SEMA3A: variants seen among roughly 807,000 people sequenced by gnomAD.
SEMA3A encodes the protein semaphorin-3A.
A neutral mutation model predicts 97.9 loss-of-function variants in SEMA3A; 29 were observed. That is an observed-to-expected ratio of 0.30 (90% CI 0.22 to 0.40). The LOEUF is 0.40. SEMA3A is among the 10% of genes least tolerant of loss of function. The probability of loss-of-function intolerance (pLI) is 1.00; values close to 1 mark genes in which losing one functional copy is unlikely to be tolerated. For synonymous variants in SEMA3A, 321 were observed against 323.7 expected, an observed-to-expected ratio of 0.99 and a Z score of 0.09; for missense variants, 763 against 951.3, an observed-to-expected ratio of 0.80 and a Z score of 2.60.
intron 1 of SEMA3A, among the ~76,000 whole-genome samples, chr7:84,402,532 G>A (rs1419660939): frequency 6.6e-6 from 1 of 152,122 alleles, no homozygotes; most frequent in Non-Finnish European, 1.5e-5. Flanking sequence ...ATATCAAAGA[G>A]ATATCTTCAC....
chr7:84,383,879 TA>T (rs1803331903), intron 1 of SEMA3A, among the ~76,000 whole-genome samples: 2 of 152,166 alleles, frequency 1.3e-5, no homozygotes, highest in Non-Finnish European at 2.9e-5. Context: ...TCTTTACACT[TA>T]AAAAATACAT....
chr7:84,448,946 T>TAC (rs555321024), intron 1 of SEMA3A, among the ~76,000 whole-genome samples: 153 of 152,246 alleles, frequency 1.0e-3, no homozygotes, highest in African/African-American at 3.5e-3. Context: ...CTGGTGTAAA[T>TAC]ATATATAAAC....
chr7:84,033,093 CTATT>C (rs1455056261), intron 6 of SEMA3A, among the ~76,000 whole-genome samples: 1 of 151,988 alleles, frequency 6.6e-6, no homozygotes, highest in East Asian at 1.9e-4. Context: ...TGTTTTATAA[CTATT>C]TATTATTTAA....
chr7:84,156,719 G>T (rs1796857085), intron 1 of SEMA3A, among the ~76,000 whole-genome samples: 1 of 152,072 alleles, frequency 6.6e-6, no homozygotes, highest in African/African-American at 2.4e-5. Context: ...TACCAGCTGT[G>T]TGTTTTAGCC....
At chr7:84,425,192 CATAA>C (rs1355245632) in intron 1 of SEMA3A, among the ~76,000 whole-genome samples, 1 of 108,678 alleles carries the variant, frequency 9.2e-6, no homozygotes, top group African/African-American at 3.9e-5. Flanking sequence ...CATATATTTA[CATAA>C]ATAAATTTAC....
At chr7:84,173,753 G>C (rs905658240) in intron 1 of SEMA3A, among the ~76,000 whole-genome samples, 7 of 152,002 alleles carry the variant, frequency 4.6e-5, no homozygotes, top group Non-Finnish European at 1.0e-4. Context: ...TCCCACAGAT[G>C]GGTACCAGCC....
chr7:83,981,653 A>T (rs1465204116), intron 13 of SEMA3A, among the ~76,000 whole-genome samples, 175 bp from the exon 14 acceptor site: 1 of 152,188 alleles, frequency 6.6e-6, no homozygotes, highest in Non-Finnish European at 1.5e-5. Context: ...GCAGTTTAAA[A>T]TGGAGCAAGA....
intron 2 of SEMA3A, among the ~76,000 whole-genome samples, chr7:84,319,575 A>G (rs563597221): frequency 1.3e-5 from 2 of 152,202 alleles, no homozygotes; most frequent in South Asian, 4.2e-4. Flanking sequence ...TTGCATTGGA[A>G]ATTTTCTTAA....
chr7:84,153,304 C>T (rs1379822308), intron 1 of SEMA3A, among the ~76,000 whole-genome samples: 1 of 152,108 alleles, frequency 6.6e-6, no homozygotes, highest in Non-Finnish European at 1.5e-5. Context: ...GCCTGTCATC[C>T]ACATACATAC....
chr7:84,104,274 A>AC (rs1234549938), intron 4 of SEMA3A, among the ~76,000 whole-genome samples: 14 of 152,130 alleles, frequency 9.2e-5, no homozygotes, highest in Non-Finnish European at 1.8e-4. Flanking sequence ...GCATTATTGT[A>AC]CCAATATGGC....
At chr7:84,264,933 G>C (rs1266504836) in intron 3 of SEMA3A, among the ~76,000 whole-genome samples, 1 of 152,056 alleles carries the variant, frequency 6.6e-6, no homozygotes, top group Non-Finnish European at 1.5e-5. Context: ...GGTTTCTTGT[G>C]TGGTCTCCAC....
chr7:84,224,260 C>T (rs1265199302), intron 3 of SEMA3A, among the ~76,000 whole-genome samples: 1 of 151,864 alleles, frequency 6.6e-6, no homozygotes, highest in Non-Finnish European at 1.5e-5. Flanking sequence ...ATTGGTGTTT[C>T]ATTTTTTATC....
Position 84,401,283 on chromosome 7 carries a change from G to A in SEMA3A, c.-245-29383C>T, listed in dbSNP as rs113794415. Among the ~76,000 whole-genome samples the A allele has an allele frequency of 7.0e-4, 106 of 151,932 alleles. 1 individual carries two copies. Among genetic ancestry groups the A allele is most frequent in the African/African-American group, 2.4e-3 (98 of 41,446 alleles). ...TTTAAAATAGCTACAAAAAATACCTGGGAATAAATTTAACCAAAAAGTGAG... is the reference window on the plus strand; with the variant it reads ...TTTAAAATAGCTACAAAAAATACCTAGGAATAAATTTAACCAAAAAGTGAG... On this transcript the variant is annotated intron_variant, in intron 1 of 3. Coordinates refer to the SEMA3A transcript ENST00000424555.
At chr7:84,209,913 GAAGTTA>G (rs2116316068) in intron 3 of SEMA3A, among the ~76,000 whole-genome samples, 1 of 152,278 alleles carries the variant, frequency 6.6e-6, no homozygotes, top group Admixed American at 6.5e-5. Context: ...GAATTTGGCT[GAAGTTA>G]AAGTTTCTGG....
chr7:84,322,025 A>T (rs1431725686), intron 2 of SEMA3A, among the ~76,000 whole-genome samples: 1 of 151,708 alleles, frequency 6.6e-6, no homozygotes, highest in Non-Finnish European at 1.5e-5. Context: ...GGTGGAAATC[A>T]CCTCATCACA....
In SEMA3A at chr7:84,063,011, ATGGCCCTGTC is replaced by A. The variant is rs1391119457; in HGVS notation, c.454-2463_454-2454del. ...ACAGCAGTAACCTCTGCAGACTTAA[ATGGCCCTGTC>A]TGACAGCTTTGAAGAGAGCAGTGGT... On this transcript the variant is annotated intron_variant, in intron 4 of 16. Coordinates refer to ENST00000265362, the MANE Select transcript of SEMA3A (RefSeq NM_006080.3). Among the ~76,000 whole-genome samples the A allele has an allele frequency of 2.0e-5, 3 of 152,082 alleles. No homozygotes were observed. The East Asian group carries it at 5.9e-4, about 30-fold the overall frequency.
intron 3 of SEMA3A, among the ~76,000 whole-genome samples, chr7:84,251,383 G>A (rs1418130125): frequency 6.6e-6 from 1 of 152,144 alleles, no homozygotes; most frequent in Non-Finnish European, 1.5e-5. Context: ...ATGATTGTTA[G>A]CCAAGAGTGT....
chr7:84,034,316 A>C (rs1396231050), intron 6 of SEMA3A, among the ~76,000 whole-genome samples: 1 of 152,190 alleles, frequency 6.6e-6, no homozygotes, highest in Non-Finnish European at 1.5e-5. Context: ...TTGGAACAGT[A>C]TATATCTGAC....
At chr7:84,051,305 TG>T (rs1352159741) in intron 5 of SEMA3A, among the ~76,000 whole-genome samples, 1 of 152,032 alleles carries the variant, frequency 6.6e-6, no homozygotes, top group Non-Finnish European at 1.5e-5. Flanking sequence ...TTGGGCAGTA[TG>T]GCCATTTTCA....
Sources: gnomAD v4.1 joint callset for allele counts (sites outside exome capture counted in the v4.1 genomes callset) on GRCh38, gnomAD v4.1.1 for gene constraint, MANE v1.5 for transcripts, NCBI Gene and HGNC (gene_info 2026-07-23, HGNC 2026-07-21) for gene names.